The following DOCK7 variants were observed in gnomAD, a reference collection of about 807,000 sequenced individuals.
The protein encoded by DOCK7 is dedicator of cytokinesis 7.
DOCK7 carries 138 observed loss-of-function variants against 271.0 expected under a neutral mutation model. That is an observed-to-expected ratio of 0.51 (90% CI 0.44 to 0.59). The LOEUF (loss-of-function observed/expected upper bound fraction) is 0.59, where lower values mean the gene tolerates loss of function less well. Among genes scored for constraint, DOCK7 ranks in the 20% least tolerant of loss-of-function variants. The pLI is 0.00. For missense variants in DOCK7, 2,066 were observed against 2,592.4 expected (o/e 0.80, Z 4.41); for synonymous variants, 823 against 876.1 (o/e 0.94, Z 1.07).
At chr1:62,488,880 T>G in intron 42 of DOCK7, 54 bp downstream of exon 42, 2 of 1,608,698 alleles carry the variant, frequency 1.2e-6, no homozygotes, top group Non-Finnish European at 1.7e-6. Context: ...ACAACATTAA[T>G]GCTTTCAGAC....
chr1:62,485,408 G>A lies in DOCK7; in HGVS notation c.5508+1990C>T, dbSNP rs1646263916. ...CTCAAATAATTTGCACTAAATCAAG[G>A]AGCACAATAAAAAAATGAAACATGT... On this transcript the variant is annotated intron_variant, in intron 43 of 49. Transcript: ENST00000635253. 1.2e-5 allele frequency: 12 copies of A among 985,012 alleles called. No individual in the cohort carries two copies. The South Asian group carries it at 5.2e-4, about 42-fold the overall frequency. 61.0% of individuals were successfully genotyped at this position (985,012 alleles called of 1,614,324 possible).
At chr1:62,519,770 T>G (rs1347732489) in intron 31 of DOCK7, among the ~76,000 whole-genome samples, 1 of 152,016 alleles carries the variant, frequency 6.6e-6, no homozygotes, top group African/African-American at 2.4e-5. Flanking sequence ...AAGATACACA[T>G]TTTTTAAAAA....
intron 28 of DOCK7, among the ~76,000 whole-genome samples, chr1:62,536,484 T>C (rs1645349768): frequency 6.6e-6 from 1 of 152,164 alleles, no homozygotes; most frequent in South Asian, 2.1e-4. Flanking sequence ...GCTACATCTT[T>C]GGCAGAGGAC....
intron 1 of DOCK7, among the ~76,000 whole-genome samples, chr1:62,671,032 C>T (rs537603546): frequency 1.4e-4 from 22 of 152,046 alleles, no homozygotes; most frequent in Non-Finnish European, 2.1e-4. Flanking sequence ...CAACTCCAGA[C>T]GCGCTGCCTT....
chr1:62,618,780 G>C lies in DOCK7; in HGVS notation c.1608C>G (p.Asp536Glu), dbSNP rs1377620852. ...TTTCTCTGGTAGGTCTAACTCTACT[G>C]TCAGGGTAAAGCTTCACTTGAAGCA... ...PELLQVKLYP[D>E]SRVRPTREIL... Residue 536 changes from aspartate (D) to glutamate (E), a missense_variant, in exon 14 of 50, where the codon GAC becomes GAG. Physicochemically the swap from Asp to Glu is conservative, Grantham distance 45. Coordinates refer to ENST00000635253, the MANE Select transcript of DOCK7 (RefSeq NM_001367561.1). The C allele has an allele frequency of 6.2e-7, 1 of 1,613,506 alleles. No homozygotes were observed. Among genetic ancestry groups the C allele is most frequent in the Non-Finnish European group, 8.5e-7 (1 of 1,179,604 alleles).
At chr1:62,468,756 C>T (rs567270658) in intron 48 of DOCK7, among the ~76,000 whole-genome samples, 1 of 152,102 alleles carries the variant, frequency 6.6e-6, no homozygotes, top group African/African-American at 2.4e-5. Context: ...AGTAGCTCTG[C>T]TATACACCAA....
intron 38 of DOCK7, 48 bp downstream of exon 38, chr1:62,496,291 T>C: frequency 6.3e-7 from 1 of 1,585,246 alleles, no homozygotes; most frequent in Non-Finnish European, 8.5e-7. Context: ...AAAGTGCCTA[T>C]TTAACAAGCC....
chr1:62,643,298 TG>T (rs1278108942), intron 7 of DOCK7, among the ~76,000 whole-genome samples: 3 of 152,232 alleles, frequency 2.0e-5, no homozygotes, highest in African/African-American at 7.2e-5. Context: ...ACTGAACATT[TG>T]TTTTTTTAAA....
chr1:62,633,535 TCTGCACACTC>T lies in DOCK7; in HGVS notation c.1069_1078del (p.Glu357AsnfsTer4). 6.2e-7 allele frequency: 1 copy of T among 1,613,480 alleles called. No homozygotes were observed. Among genetic ancestry groups the T allele is most frequent in the Non-Finnish European group, 8.5e-7 (1 of 1,179,706 alleles). On this transcript the variant is annotated frameshift_variant, in exon 10 of 50. Transcript: ENST00000635253. LOFTEE classifies it high-confidence loss of function. ...TGCTTCTTTGAAAATCATATATGGTTCTGCACACTCTCCAATGTCTCCTTGCTGTAGGACT... is the reference window on the plus strand; with the variant it reads ...TGCTTCTTTGAAAATCATATATGGTTTCCAATGTCTCCTTGCTGTAGGACT...
intron 14 of DOCK7, chr1:62,602,349 G>T: frequency 6.2e-7 from 1 of 1,610,928 alleles, no homozygotes. Context: ...AAACGTGGGA[G>T]AACTACAAAT....
intron 1 of DOCK7, among the ~76,000 whole-genome samples, chr1:62,670,389 G>C (rs1481108099): frequency 6.6e-6 from 1 of 151,678 alleles, no homozygotes; most frequent in Admixed American, 6.6e-5. Context: ...TTTATATCTA[G>C]CTCAGGGATT....
chr1:62,501,755 G>A (rs1241497164), intron 37 of DOCK7, among the ~76,000 whole-genome samples: 1 of 151,910 alleles, frequency 6.6e-6, no homozygotes, highest in Non-Finnish European at 1.5e-5. Flanking sequence ...ATACACGTAA[G>A]AAAGTAAATA....
chr1:62,567,412 C>CCA (rs1646556450), intron 18 of DOCK7, among the ~76,000 whole-genome samples: 2 of 152,054 alleles, frequency 1.3e-5, no homozygotes, highest in Admixed American at 6.6e-5. Flanking sequence ...ATGGATGAAA[C>CCA]TGGAAACCAT....
intron 14 of DOCK7, among the ~76,000 whole-genome samples, chr1:62,599,363 C>T (rs1334816207): frequency 6.6e-6 from 1 of 151,902 alleles, no homozygotes; most frequent in African/African-American, 2.4e-5. Context: ...CTGGTATCTA[C>T]GTGGCCCACT....
chr1:62,495,054 C>G (rs535830533), intron 39 of DOCK7: 21 of 152,340 alleles, frequency 1.4e-4, no homozygotes, highest in African/African-American at 4.6e-4. Context: ...TATCGTAAAA[C>G]ATTCATATAC....
chr1:62,561,532 G>T, intron 19 of DOCK7, 85 bp downstream of exon 19: 1 of 713,348 alleles, frequency 1.4e-6, no homozygotes, highest in Non-Finnish European at 2.1e-6. Flanking sequence ...ATTTATGACA[G>T]GTAACAAAAC....
At chr1:62,493,567 C>G (rs1259105481) in intron 40 of DOCK7, among the ~76,000 whole-genome samples, 5 of 152,114 alleles carry the variant, frequency 3.3e-5, no homozygotes, top group African/African-American at 1.2e-4. Context: ...GGAGTTTCCC[C>G]TCCCCCAATC....
chr1:62,596,318 A>G (rs2149521888), intron 14 of DOCK7, among the ~76,000 whole-genome samples: 2 of 152,288 alleles, frequency 1.3e-5, no homozygotes, highest in Middle Eastern at 6.8e-3. Context: ...CCCACACCAC[A>G]GTCTGACTCC....
intron 1 of DOCK7, 29 bp from the exon 2 acceptor site, chr1:62,663,159 A>T: frequency 1.4e-6 from 2 of 1,424,494 alleles, no homozygotes; most frequent in Non-Finnish European, 1.9e-6. Flanking sequence ...AAACATACGC[A>T]TTATTGAAAA....
Sources: allele counts gnomAD v4.1 joint callset (sites outside exome capture counted in the v4.1 genomes callset), GRCh38; gene constraint gnomAD v4.1.1; transcripts MANE v1.5; gene names NCBI Gene and HGNC (gene_info 2026-07-23, HGNC 2026-07-21).